KLRG1: variants seen among roughly 807,000 people sequenced by gnomAD.
The protein encoded by KLRG1 is killer cell lectin like receptor G1.
Under a neutral mutation model 21.8 loss-of-function variants are expected in KLRG1, and 16 were observed. The observed-to-expected ratio is 0.73, with a 90% CI of 0.50 to 1.11. KLRG1 has a LOEUF of 1.11. Among genes scored for constraint, KLRG1 ranks in the 50% most tolerant of loss-of-function variants. KLRG1 has a pLI of 0.00. For synonymous variants in KLRG1, 69 were observed against 75.9 expected (o/e 0.91, Z 0.47); for missense variants, 173 against 218.3 (o/e 0.79, Z 1.31).
At chr12:9,030,801 T>G in the KLRG1 span, among the ~76,000 whole-genome samples, 1 of 152,226 alleles carries the variant, frequency 6.6e-6, no homozygotes, top group Non-Finnish European at 1.5e-5. Context: ...CTTCCACTAC[T>G]TCTACTCTCC....
At chr12:8,961,587 A>AT (rs35020239) in intron 1 of KLRG1, among the ~76,000 whole-genome samples, 31 of 145,544 alleles carry the variant, frequency 2.1e-4, no homozygotes, top group East Asian at 4.1e-4. Flanking sequence ...TAATTTTTGT[A>AT]TTTTTTTTTT....
chr12:9,011,523 C>G (rs971405301), downstream of KLRG1, among the ~76,000 whole-genome samples: 2 of 151,288 alleles, frequency 1.3e-5, no homozygotes, highest in Admixed American at 1.4e-4. Flanking sequence ...AGAGCAGTCA[C>G]AAAATTAAAA....
intron 1 of KLRG1, among the ~76,000 whole-genome samples, chr12:8,961,083 C>T (rs895577870): frequency 6.6e-6 from 1 of 152,198 alleles, no homozygotes; most frequent in Non-Finnish European, 1.5e-5. Flanking sequence ...CATTAAACTG[C>T]TCAAGCTGTG....
chr12:9,163,553 T>C, the KLRG1 span: 3 of 1,197,500 alleles, frequency 2.5e-6, no homozygotes, highest in African/African-American at 4.6e-5. Flanking sequence ...GGAAATTCCA[T>C]TAGTCTTACA....
chr12:8,989,393 G>A (rs1946902037), upstream of KLRG1: 1 of 303,034 alleles, frequency 3.3e-6, no homozygotes, highest in African/African-American at 2.2e-5. Flanking sequence ...GGTGAGATGG[G>A]GAATCAATTT....
At chr12:9,015,294 T>A (rs2137471077), downstream of KLRG1, among the ~76,000 whole-genome samples, 1 of 151,932 alleles carries the variant, frequency 6.6e-6, no homozygotes, top group South Asian at 2.1e-4. Flanking sequence ...ACAAGTAGAC[T>A]GAAAATAAAG....
At chr12:9,109,231 A>C in the KLRG1 span, 1 of 1,008,170 alleles carries the variant, frequency 9.9e-7, no homozygotes, top group Non-Finnish European at 1.5e-6. Context: ...TTGTGTTGCC[A>C]CTGCTCCCGG....
At chr12:9,082,119 C>A in the KLRG1 span, among the ~76,000 whole-genome samples, 14 of 152,142 alleles carry the variant, frequency 9.2e-5, no homozygotes, top group African/African-American at 3.4e-4. Flanking sequence ...ACCTGGGAGT[C>A]TAAAGGGTAG....
At chr12:8,951,889 T>G (rs1028894831) in intron 1 of KLRG1, among the ~76,000 whole-genome samples, 7 of 152,108 alleles carry the variant, frequency 4.6e-5, no homozygotes, top group African/African-American at 1.7e-4. Flanking sequence ...GTAGGTTGAT[T>G]AACTTGTCTG....
At chr12:9,014,002 C>T (rs1947666432), downstream of KLRG1, among the ~76,000 whole-genome samples, 1 of 151,986 alleles carries the variant, frequency 6.6e-6, no homozygotes, top group Non-Finnish European at 1.5e-5. Flanking sequence ...CTCTCAACAG[C>T]AGAACTGATC....
At chr12:8,968,655 G>A (rs772971182) in intron 1 of KLRG1, among the ~76,000 whole-genome samples, 2 of 152,128 alleles carry the variant, frequency 1.3e-5, no homozygotes, top group Admixed American at 6.6e-5. Flanking sequence ...AATGAATAAT[G>A]TACATTCTTT....
At chr12:9,129,443 T>C in the KLRG1 span, among the ~76,000 whole-genome samples, 16 of 152,066 alleles carry the variant, frequency 1.1e-4, no homozygotes, top group African/African-American at 3.4e-4. Flanking sequence ...TTATAAAATA[T>C]ATAAGTATGA....
the KLRG1 span, among the ~76,000 whole-genome samples, chr12:9,031,456 G>GACTTCA: frequency 6.6e-6 from 1 of 152,184 alleles, no homozygotes; most frequent in Non-Finnish European, 1.5e-5. Context: ...AACTCAGTGG[G>GACTTCA]ACTTCAACGG....
chr12:9,098,091 A>G, the KLRG1 span, among the ~76,000 whole-genome samples: 1 of 152,216 alleles, frequency 6.6e-6, no homozygotes, highest in African/African-American at 2.4e-5. Flanking sequence ...GACTTTGGGT[A>G]CTGTATGGTC....
intron 1 of KLRG1, 66 bp from the exon 2 acceptor site, chr12:8,992,140 C>G: frequency 7.3e-7 from 1 of 1,375,950 alleles, no homozygotes; most frequent in Non-Finnish European, 1.0e-6. Flanking sequence ...ATATCCTTCC[C>G]TGACTTTCTC....
chr12:9,072,230 A>C, the KLRG1 span: 1 of 1,084,422 alleles, frequency 9.2e-7, no homozygotes, highest in Non-Finnish European at 1.3e-6. Flanking sequence ...TATCAACTTA[A>C]GAGAATACAT....
chr12:9,018,405 A>C, the KLRG1 span, among the ~76,000 whole-genome samples: 47 of 152,208 alleles, frequency 3.1e-4, no homozygotes, highest in African/African-American at 9.6e-4. Context: ...CTAGAACAGC[A>C]TGGCACTGGC....
chr12:9,208,173 G>T, the KLRG1 span: 7 of 931,308 alleles, frequency 7.5e-6, no homozygotes, highest in Non-Finnish European at 1.2e-5. Context: ...GAGTGGAAAG[G>T]TGGCATTTAC....
chr12:9,189,690 T>C, the KLRG1 span, among the ~76,000 whole-genome samples: 33 of 152,126 alleles, frequency 2.2e-4, no homozygotes, highest in Admixed American at 1.2e-3. Context: ...AAACTATCAA[T>C]AGAGTAAACA....
Sources: gnomAD v4.1 joint callset for allele counts (sites outside exome capture counted in the v4.1 genomes callset) on GRCh38, gnomAD v4.1.1 for gene constraint, MANE v1.5 for transcripts, NCBI Gene and HGNC (gene_info 2026-07-23, HGNC 2026-07-21) for gene names.